Variants in MYOM1 observed in about 807,000 individuals in gnomAD.
The protein encoded by MYOM1 is myomesin-1.
A neutral mutation model predicts 205.3 loss-of-function variants in MYOM1; 164 were observed. The ratio of observed to expected loss-of-function variants is 0.80; its 90% CI spans 0.70 to 0.91. MYOM1 has a LOEUF of 0.91. Ranked by LOEUF, MYOM1 falls within the 40% of genes least tolerant of loss-of-function variation. The pLI is 0.00. For missense variants in MYOM1, 2,011 were observed against 2,127.3 expected (o/e 0.95, Z 1.08); for synonymous variants, 772 against 789.4 (o/e 0.98, Z 0.37).
intron 13 of MYOM1, among the ~76,000 whole-genome samples, chr18:3,146,389 T>C (rs995223347): frequency 6.6e-6 from 1 of 152,128 alleles, no homozygotes; most frequent in African/African-American, 2.4e-5. Context: ...ATAAAAAGGA[T>C]AACACAGCAT....
intron 9 of MYOM1, among the ~76,000 whole-genome samples, chr18:3,165,960 T>C (rs2144055227): frequency 6.6e-6 from 1 of 152,318 alleles, no homozygotes; most frequent in African/African-American, 2.4e-5. Flanking sequence ...AGACCACACC[T>C]GCAGCTTGGT....
At chr18:3,240,328 C>A in the MYOM1 span, among the ~76,000 whole-genome samples, 6 of 152,158 alleles carry the variant, frequency 3.9e-5, no homozygotes, top group African/African-American at 1.4e-4. Flanking sequence ...CAAATCTCAT[C>A]CTGAATTCCC....
chr18:3,223,082 A>G (rs924387546), upstream of MYOM1, among the ~76,000 whole-genome samples: 3 of 152,124 alleles, frequency 2.0e-5, no homozygotes, highest in Non-Finnish European at 2.9e-5. Flanking sequence ...GGGTTTCACC[A>G]TGTTGCCAGG....
At chr18:3,197,557 C>T (rs932117606) in intron 2 of MYOM1, among the ~76,000 whole-genome samples, 4 of 152,104 alleles carry the variant, frequency 2.6e-5, no homozygotes, top group Admixed American at 2.6e-4. Flanking sequence ...ATACTAAAGA[C>T]CACACTTGAT....
intron 16 of MYOM1, 82 bp downstream of exon 16, chr18:3,134,565 TCTC>T (rs2079925082): frequency 1.4e-6 from 2 of 1,397,596 alleles, no homozygotes; most frequent in Non-Finnish European, 9.5e-7. Context: ...TTTAAAAAAA[TCTC>T]CTCCATTGGA....
At chr18:3,082,969 G>GA (rs2079101876) in intron 33 of MYOM1, among the ~76,000 whole-genome samples, 1 of 152,162 alleles carries the variant, frequency 6.6e-6, no homozygotes, top group African/African-American at 2.4e-5. Flanking sequence ...CTTCTTTGGT[G>GA]AATGCCCATT....
At chr18:3,238,032 T>C in the MYOM1 span, among the ~76,000 whole-genome samples, 1 of 152,292 alleles carries the variant, frequency 6.6e-6, no homozygotes, top group East Asian at 1.9e-4. Context: ...TCATTACATT[T>C]ATAGTGCATC....
chr18:3,125,864 G>A (rs1206122550), intron 19 of MYOM1, among the ~76,000 whole-genome samples: 2 of 152,106 alleles, frequency 1.3e-5, no homozygotes, highest in Non-Finnish European at 2.9e-5. Flanking sequence ...CACATGTGAG[G>A]CCACCCTTTG....
chr18:3,126,870 G>T lies in MYOM1; in HGVS notation c.2822C>A (p.Thr941Asn). The T allele has an allele frequency of 1.2e-6, 2 of 1,611,968 alleles. No individual in the cohort carries two copies. The highest frequency in any genetic ancestry group is 1.7e-6 in the Non-Finnish European group (2 of 1,178,990). The change falls in exon 19 of 38, where the codon ACC becomes AAC. Residue 941 changes from threonine (T) to asparagine (N), a missense_variant. By Grantham distance (65) the Thr-to-Asn change is moderately conservative. Coordinates refer to ENST00000356443, the MANE Select transcript of MYOM1 (RefSeq NM_003803.4). ...RAPPSPPCDI[T>N]CLESFRDSMV... ...TGAGTCACGAAAACTTTCAAGACAGGTGATATCACAGGGTGGAGATGGTGG... is the reference window on the plus strand; with the variant it reads ...TGAGTCACGAAAACTTTCAAGACAGTTGATATCACAGGGTGGAGATGGTGG...
In MYOM1 at chr18:3,112,395, C is replaced by T. The variant is rs1189919508; in HGVS notation, c.3321G>A (p.Glu1107=). ...GAACACGGAACACGTAGCTGACGCC[C>T]TCCTTGAGGCCTCGAACCTGGTAGA... ...NVYLKVRGLK[E]GVSYVFRVRA... is the part of the protein sequence containing the mutation. Residue 1107 remains glutamate, a synonymous_variant, in exon 22 of 38, where the codon GAG becomes GAA. Transcript: ENST00000356443. The T allele has an allele frequency of 4.4e-6, 7 of 1,604,454 alleles. No individual in the cohort carries two copies. The East Asian group carries it at 6.7e-5, about 15-fold the overall frequency.
chr18:3,132,031 TTA>T (rs33960225), intron 16 of MYOM1, among the ~76,000 whole-genome samples: 48,131 of 145,946 alleles, frequency 0.33, 8,269 homozygotes, highest in East Asian at 0.58. Context: ...ATTAATATTA[TTA>T]TATATATGTA....
chr18:3,074,613 T>C (rs4798064), intron 36 of MYOM1, among the ~76,000 whole-genome samples: 26,436 of 152,150 alleles, frequency 0.17, 2,554 homozygotes, highest in Middle Eastern at 0.19. Context: ...TGTGTGTGTT[T>C]CTGGGTACAC....
chr18:3,128,584 CAA>C (rs1314155752), intron 18 of MYOM1, among the ~76,000 whole-genome samples: 10 of 152,012 alleles, frequency 6.6e-5, no homozygotes, highest in Non-Finnish European at 1.5e-4. Flanking sequence ...CATGGTAACT[CAA>C]AGATATATTT....
At chr18:3,191,589 T>C (rs1055861953) in intron 3 of MYOM1, among the ~76,000 whole-genome samples, 8 of 152,192 alleles carry the variant, frequency 5.3e-5, no homozygotes, top group African/African-American at 1.7e-4. Context: ...CCAAAACCAC[T>C]GTGAAATGTT....
At chr18:3,174,324 T>C (rs1163381380) in intron 6 of MYOM1, 116 bp from the exon 7 acceptor site, 2 of 808,542 alleles carry the variant, frequency 2.5e-6, no homozygotes, top group Non-Finnish European at 4.1e-6. Context: ...GGCTAACACA[T>C]GGCTCTTTGG....
chr18:3,110,190 TTTAA>T (rs2079505778), intron 22 of MYOM1, among the ~76,000 whole-genome samples: 1 of 152,238 alleles, frequency 6.6e-6, no homozygotes, highest in Non-Finnish European at 1.5e-5. Flanking sequence ...TTTTATAAGC[TTTAA>T]TTATTTGTTC....
chr18:3,086,058 A>G lies in MYOM1; in HGVS notation c.4231T>C (p.Cys1411Arg). The change falls in exon 30 of 38, where the codon TGT becomes CGT. Residue 1411 changes from cysteine (C) to arginine (R), a missense_variant. Physicochemically the swap from Cys to Arg is radical, Grantham distance 180. Transcript: ENST00000356443. ...DEKHDFKDGI[C>R]TLLITEFSKK... ...CCTACCTCTGTTATAAGCAGGGTAC[A>G]TATACCATCCTTAAAGTCATGCTTT... 1 of 1,607,328 alleles carries G rather than the reference A, an allele frequency of 6.2e-7. No homozygotes were observed. The highest frequency in any genetic ancestry group is 1.7e-5 in the Admixed American group (1 of 59,988).
At chr18:3,117,659 CTTT>C (rs913534834) in intron 20 of MYOM1, among the ~76,000 whole-genome samples, 2 of 149,864 alleles carry the variant, frequency 1.3e-5, no homozygotes, top group Non-Finnish European at 3.0e-5. Flanking sequence ...TTTTCCTTTC[CTTT>C]TTTTTTTTTT....
chr18:3,142,140 C>G, intron 13 of MYOM1, 77 bp from the exon 14 acceptor site: 2 of 1,531,266 alleles, frequency 1.3e-6, no homozygotes, highest in Admixed American at 1.9e-5. Context: ...AGACGCTGCT[C>G]TCCTCCTGAG....
Sources: gnomAD v4.1 joint callset for allele counts (sites outside exome capture counted in the v4.1 genomes callset) on GRCh38, gnomAD v4.1.1 for gene constraint, MANE v1.5 for transcripts, NCBI Gene and HGNC (gene_info 2026-07-23, HGNC 2026-07-21) for gene names.